The following LRBA variants were observed in gnomAD, a reference collection of about 807,000 sequenced individuals.
The protein encoded by LRBA is LPS responsive beige-like anchor protein.
A neutral mutation model predicts 330.0 loss-of-function variants in LRBA; 176 were observed. The ratio of observed to expected loss-of-function variants is 0.53; its 90% CI spans 0.47 to 0.60. The LOEUF is 0.60. LRBA is among the 20% of genes least tolerant of loss of function. The probability of loss-of-function intolerance (pLI) is 0.00; values close to 1 mark genes in which losing one functional copy is unlikely to be tolerated. For missense variants in LRBA, 3,259 were observed against 3,444.8 expected (o/e 0.95, Z 1.35); for synonymous variants, 1,230 against 1,193.0 (o/e 1.03, Z -0.64).
intron 47 of LRBA, among the ~76,000 whole-genome samples, chr4:150,352,687 T>C (rs541347370): frequency 1.3e-4 from 20 of 152,316 alleles, no homozygotes; most frequent in Non-Finnish European, 2.6e-4. Context: ...ATCTAGGAAC[T>C]ACTAATGCAA....
chr4:150,387,829 A>G (rs1743318546), intron 47 of LRBA, among the ~76,000 whole-genome samples: 1 of 152,190 alleles, frequency 6.6e-6, no homozygotes, highest in South Asian at 2.1e-4. Flanking sequence ...CAATAAAGCA[A>G]CTGTAATTAC....
At chr4:150,393,012 T>G (rs1284571462) in intron 47 of LRBA, among the ~76,000 whole-genome samples, 1 of 144,760 alleles carries the variant, frequency 6.9e-6, no homozygotes, top group African/African-American at 2.5e-5. Context: ...AACTTAAAGT[T>G]AAAAAAAAAA....
At position 150,811,429 on chromosome 4, in the gene LRBA, A is replaced by G. The variant is rs78908616; in HGVS notation, c.5306-3031T>C. On this transcript the variant is annotated intron_variant, in intron 31 of 56. Transcript: ENST00000651943. ...AAAACATATGCATGAGGCTTTAGGAAAAAAAAAAAAAGGGGGTGTGCATGA... is the reference window on the plus strand; with the variant it reads ...AAAACATATGCATGAGGCTTTAGGAGAAAAAAAAAAAGGGGGTGTGCATGA... Among the ~76,000 whole-genome samples the G allele has an allele frequency of 2.2e-4, 5 of 22,528 alleles. No individual in the cohort carries two copies. In the Non-Finnish European group the frequency reaches 7.1e-3, roughly 32 times the overall value. The allele number at this position is 22,528 out of a possible 152,430, so 14.8% of individuals were successfully genotyped here. A position where few individuals can be genotyped will look rare whatever the true frequency, so the allele number is the denominator to read the frequency against.
At chr4:150,376,602 G>A (rs928709225) in intron 47 of LRBA, among the ~76,000 whole-genome samples, 1 of 152,020 alleles carries the variant, frequency 6.6e-6, no homozygotes, top group East Asian at 1.9e-4. Context: ...TTTTTCTATC[G>A]GAGGACCCAA....
At position 150,583,418 on chromosome 4, in the gene LRBA, C is replaced by A. The variant is rs1436972829; in HGVS notation, c.6330+4630G>T. 1 of 1,613,920 alleles carries A rather than the reference C, an allele frequency of 6.2e-7. No homozygotes were observed. The highest frequency in any genetic ancestry group is 1.7e-5 in the Admixed American group (1 of 60,034). ...TATCTCTCAGCGCGTAAGATCCGCT[C>A]GCGTTTCCAGACGCTGGTGGCCCAG... On this transcript the variant is annotated intron_variant, in intron 40 of 56. Coordinates refer to ENST00000651943, the MANE Select transcript of LRBA (RefSeq NM_001364905.1). The surrounding 1 kb of genome is among the most constrained non-coding windows in gnomAD (Gnocchi z 9.8).
intron 7 of LRBA, among the ~76,000 whole-genome samples, chr4:150,916,169 C>T (rs949271853): frequency 2.6e-5 from 4 of 152,132 alleles, no homozygotes; most frequent in South Asian, 4.2e-4. Context: ...AAATAAATGC[C>T]GTAGATATTT....
At chr4:150,296,780 T>C (rs1352570916) in intron 53 of LRBA, among the ~76,000 whole-genome samples, 2 of 152,176 alleles carry the variant, frequency 1.3e-5, no homozygotes, top group Admixed American at 6.5e-5. Flanking sequence ...AAAGCTGTCG[T>C]AGAATTTCTC....
chr4:151,001,104 T>G (rs1743272629), intron 2 of LRBA, among the ~76,000 whole-genome samples: 1 of 152,054 alleles, frequency 6.6e-6, no homozygotes, highest in South Asian at 2.1e-4. Context: ...TCCCCCTAAG[T>G]CCTAAGCAGC....
chr4:150,736,628 G>A (rs1731214218), intron 35 of LRBA, among the ~76,000 whole-genome samples: 2 of 152,078 alleles, frequency 1.3e-5, no homozygotes, highest in South Asian at 4.1e-4. Flanking sequence ...TCTAATGTAA[G>A]TGTATCTGTA....
At position 150,908,710 on chromosome 4, in the gene LRBA, T is replaced by C; in HGVS notation, c.1309A>G (p.Lys437Glu). 1 of 1,613,960 alleles carries C rather than the reference T, an allele frequency of 6.2e-7. No individual in the cohort carries two copies. Among genetic ancestry groups the C allele is most frequent in the African/African-American group, 1.3e-5 (1 of 75,032 alleles). ...DAQLCLESSP[K>E]DNPSIFVHSP... Reference sequence around the variant, plus strand: ...TGAACAAAAATTGAAGGGTTGTCCTTAGGAGATGATTCAAGACAAAGCTGG... The same window carrying C: ...TGAACAAAAATTGAAGGGTTGTCCTCAGGAGATGATTCAAGACAAAGCTGG... The change falls in exon 10 of 57, where the codon AAG (lysine) becomes GAG (glutamate). Residue 437 changes from lysine to glutamate, a missense_variant. Physicochemically the swap from Lys to Glu is moderately conservative, Grantham distance 56. Coordinates refer to ENST00000651943, the MANE Select transcript of LRBA (RefSeq NM_001364905.1).
chr4:151,009,617 A>G (rs1056081438), intron 2 of LRBA, among the ~76,000 whole-genome samples: 1 of 151,482 alleles, frequency 6.6e-6, no homozygotes. Flanking sequence ...CAGGAGACTG[A>G]GGCAGGAGAG....
intron 55 of LRBA, 81 bp from the exon 56 acceptor site, chr4:150,278,085 A>G: frequency 2.5e-6 from 3 of 1,201,552 alleles, no homozygotes; most frequent in Non-Finnish European, 2.4e-6. Context: ...TCATTCTTAC[A>G]CCAGCTACTA....
chr4:150,983,409 C>T (rs1259984330), intron 2 of LRBA, among the ~76,000 whole-genome samples: 1 of 149,646 alleles, frequency 6.7e-6, no homozygotes, highest in Non-Finnish European at 1.5e-5. Context: ...GAGCTGTGTT[C>T]ATGCCACTGC....
At position 151,014,418 on chromosome 4, in the gene LRBA, T is replaced by C. The variant is rs199914438; in HGVS notation, c.216+9A>G. ...AGAGTATATGCTTATAAAATATTCATGGACTTACCAGGTTAAAGACAGTTT... is the reference window on the plus strand; with the variant it reads ...AGAGTATATGCTTATAAAATATTCACGGACTTACCAGGTTAAAGACAGTTT... On this transcript the variant is annotated intron_variant, in intron 2 of 56. Transcript: ENST00000651943. The C allele has an allele frequency of 3.7e-6, 6 of 1,606,526 alleles. No homozygotes were observed. In the Admixed American group the frequency reaches 5.0e-5, roughly 13 times the overall value.
intron 36 of LRBA, among the ~76,000 whole-genome samples, chr4:150,694,988 A>G (rs1432686297): frequency 6.6e-6 from 1 of 152,170 alleles, no homozygotes; most frequent in African/African-American, 2.4e-5. Context: ...TAAGAAGGCT[A>G]TAGTTTCTAC....
At chr4:150,798,215 C>T (rs1196916385) in intron 33 of LRBA, 73 bp from the exon 34 acceptor site, 3 of 966,752 alleles carry the variant, frequency 3.1e-6, no homozygotes, top group Non-Finnish European at 5.0e-6. Flanking sequence ...TTCATCCAAA[C>T]TGTTTCTTCA....
At chr4:150,458,611 G>A (rs1370631707) in intron 44 of LRBA, among the ~76,000 whole-genome samples, 1 of 151,640 alleles carries the variant, frequency 6.6e-6, no homozygotes, top group Admixed American at 6.6e-5. Flanking sequence ...TATCTTTCCA[G>A]GCTGTTTTCT....
intron 2 of LRBA, among the ~76,000 whole-genome samples, chr4:150,973,254 G>T (rs957421317): frequency 6.6e-6 from 1 of 152,046 alleles, no homozygotes; most frequent in Non-Finnish European, 1.5e-5. Context: ...TGCAACCTCC[G>T]CCTCCTGGGT....
intron 49 of LRBA, among the ~76,000 whole-genome samples, chr4:150,323,068 C>G (rs1408873597): frequency 2.1e-5 from 3 of 144,258 alleles, no homozygotes; most frequent in Admixed American, 1.4e-4. Context: ...CTGAATGTTA[C>G]TAAAAACAAT....
Sources: gnomAD v4.1 joint callset for allele counts (sites outside exome capture counted in the v4.1 genomes callset) on GRCh38, gnomAD v4.1.1 for gene constraint, Gnocchi (gnomAD v3.1) non-coding constraint, MANE v1.5 for transcripts, NCBI Gene and HGNC (gene_info 2026-07-23, HGNC 2026-07-21) for gene names.